Variants in CACNA2D3 observed in about 807,000 individuals in gnomAD.
The protein encoded by CACNA2D3 is calcium voltage-gated channel auxiliary subunit alpha2delta 3, also known as voltage-dependent calcium channel subunit alpha-2/delta-3.
Under a neutral mutation model 160.6 loss-of-function variants are expected in CACNA2D3, and 60 were observed. That is an observed-to-expected ratio of 0.37 (90% confidence interval 0.30 to 0.46). CACNA2D3 has a LOEUF of 0.46. Ranked by LOEUF, CACNA2D3 falls within the 20% of genes least tolerant of loss-of-function variation. The probability of loss-of-function intolerance (pLI) is 1.00; values close to 1 mark genes in which losing one functional copy is unlikely to be tolerated. For missense variants in CACNA2D3, 1,205 were observed against 1,365.0 expected, an observed-to-expected ratio of 0.88 and a Z score of 1.85; for synonymous variants, 558 against 492.9, an observed-to-expected ratio of 1.13 and a Z score of -1.75.
chr3:54,232,277 G>A (rs1326796706), intron 2 of CACNA2D3, among the ~76,000 whole-genome samples: 2 of 152,116 alleles, frequency 1.3e-5, no homozygotes, highest in Non-Finnish European at 2.9e-5. Flanking sequence ...CAGCTACAGG[G>A]AGGTGATGAC....
At chr3:54,394,360 A>C (rs1699336974) in intron 4 of CACNA2D3, among the ~76,000 whole-genome samples, 1 of 147,648 alleles carries the variant, frequency 6.8e-6, no homozygotes, top group Non-Finnish European at 1.5e-5. Context: ...TTTAGGGTAC[A>C]TGTGCACATT....
intron 2 of CACNA2D3, among the ~76,000 whole-genome samples, chr3:54,282,458 CT>C (rs1437430473): frequency 2.0e-5 from 3 of 152,186 alleles, no homozygotes; most frequent in Non-Finnish European, 4.4e-5. Flanking sequence ...CACCAGAGTA[CT>C]ATGTGGATCA....
chr3:54,123,712 A>G, intron 2 of CACNA2D3, 118 bp downstream of exon 2: 1 of 832,518 alleles, frequency 1.2e-6, no homozygotes, highest in Non-Finnish European at 2.1e-6. Flanking sequence ...GGACTCTCTG[A>G]TCCCCGGGTT....
chr3:54,699,321 G>A (rs912261980), intron 11 of CACNA2D3, among the ~76,000 whole-genome samples: 3 of 152,176 alleles, frequency 2.0e-5, no homozygotes, highest in Non-Finnish European at 4.4e-5. Context: ...GGAGGTCAGA[G>A]GGAGGCTCAT....
chr3:54,750,736 A>T (rs1417834024), intron 11 of CACNA2D3, among the ~76,000 whole-genome samples: 1 of 150,978 alleles, frequency 6.6e-6, no homozygotes, highest in Non-Finnish European at 1.5e-5. Context: ...AAGGAGGGTC[A>T]GTGGTAATCA....
rs559399882 is a variant in CACNA2D3 at position 54,827,236 on chromosome 3, GTGAAATGTGCGTAGGCACTTGCAAC to G, written c.1399-9922_1399-9898del. Among the ~76,000 whole-genome samples, 69 of 152,354 alleles carry G rather than the reference GTGAAATGTGCGTAGGCACTTGCAAC, an allele frequency of 4.5e-4. No homozygotes were observed. In the East Asian group the frequency reaches 0.012, roughly 27 times the overall value. On this transcript the variant is annotated intron_variant, in intron 14 of 37. Coordinates refer to ENST00000474759, the MANE Select transcript of CACNA2D3 (RefSeq NM_018398.3). Reference sequence around the variant, plus strand: ...CTTTGCCTTTTTAACTCCTTCACTTGTGAAATGTGCGTAGGCACTTGCAACGTCTTTGTCAGGGTTCAATTTAAGG... The same window carrying G: ...CTTTGCCTTTTTAACTCCTTCACTTGGTCTTTGTCAGGGTTCAATTTAAGG...
At position 54,873,527 on chromosome 3, in the gene CACNA2D3, T is replaced by C. The variant is rs996288759; in HGVS notation, c.1710+1905T>C. On this transcript the variant is annotated intron_variant, in intron 18 of 37. Coordinates refer to ENST00000474759, the MANE Select transcript of CACNA2D3 (RefSeq NM_018398.3). ...ATTTTCAGTGAGCGAATGTCTCCTTTAGTAATCACAGTTTGGGAACACTTT... is the reference window on the plus strand; with the variant it reads ...ATTTTCAGTGAGCGAATGTCTCCTTCAGTAATCACAGTTTGGGAACACTTT... 2.0e-5 allele frequency among the ~76,000 whole-genome samples: 3 copies of C among 152,168 alleles called. No individual in the cohort carries two copies. The South Asian group carries it at 6.2e-4, about 32-fold the overall frequency.
At chr3:54,557,996 C>CCATT (rs1035637633) in intron 5 of CACNA2D3, among the ~76,000 whole-genome samples, 13 of 152,170 alleles carry the variant, frequency 8.5e-5, no homozygotes, top group African/African-American at 3.1e-4. Flanking sequence ...GGCCCTGGAG[C>CCATT]CATTCTGTGG....
chr3:54,995,885 A>T (rs1003313010), intron 31 of CACNA2D3, among the ~76,000 whole-genome samples: 1 of 152,110 alleles, frequency 6.6e-6, no homozygotes, highest in Non-Finnish European at 1.5e-5. Context: ...TCCTTGAGTG[A>T]TGGGGCTGTA....
chr3:54,891,876 C>T (rs984882355), intron 25 of CACNA2D3, among the ~76,000 whole-genome samples: 17 of 152,216 alleles, frequency 1.1e-4, no homozygotes, highest in African/African-American at 4.1e-4. Flanking sequence ...TGTTTGTTTA[C>T]ATTTTACTAA....
At chr3:54,707,249 T>G (rs1337885186) in intron 11 of CACNA2D3, among the ~76,000 whole-genome samples, 1 of 152,202 alleles carries the variant, frequency 6.6e-6, no homozygotes, top group Non-Finnish European at 1.5e-5. Flanking sequence ...TCCAGTCTAG[T>G]TCTAAGGGTC....
chr3:54,923,488 A>G (rs75178808), intron 27 of CACNA2D3, among the ~76,000 whole-genome samples: 1,808 of 152,128 alleles, frequency 0.012, 36 homozygotes, highest in African/African-American at 0.041. Flanking sequence ...CCCACATTCT[A>G]TCACTCTCCC....
At chr3:54,978,481 C>T (rs537918394) in intron 29 of CACNA2D3, among the ~76,000 whole-genome samples, 1 of 152,140 alleles carries the variant, frequency 6.6e-6, no homozygotes, top group Admixed American at 6.6e-5. Context: ...GTTCATGACT[C>T]CGAGTTCTGA....
chr3:54,947,711 C>T (rs955641546), intron 27 of CACNA2D3, among the ~76,000 whole-genome samples: 1 of 152,084 alleles, frequency 6.6e-6, no homozygotes, highest in African/African-American at 2.4e-5. Flanking sequence ...AGTCAGGACT[C>T]GGTCTTGGGA....
At chr3:55,005,454 A>T (rs975489814) in intron 32 of CACNA2D3, among the ~76,000 whole-genome samples, 91 of 152,180 alleles carry the variant, frequency 6.0e-4, no homozygotes, top group African/African-American at 2.1e-3. Flanking sequence ...ATTTGTATAT[A>T]AAAGAACTTG....
intron 2 of CACNA2D3, among the ~76,000 whole-genome samples, chr3:54,235,390 C>A (rs888301514): frequency 6.6e-6 from 1 of 152,194 alleles, no homozygotes; most frequent in Non-Finnish European, 1.5e-5. Context: ...GGGAAACTTA[C>A]AATCACAGCA....
intron 2 of CACNA2D3, 94 bp from the exon 3 acceptor site, chr3:54,320,348 T>G (rs573315669): frequency 2.5e-5 from 14 of 559,704 alleles, no homozygotes; most frequent in African/African-American, 1.8e-4. Context: ...TAATTTTATC[T>G]TTATTTATTC....
intron 11 of CACNA2D3, among the ~76,000 whole-genome samples, chr3:54,673,202 T>C (rs1299055086): frequency 2.0e-5 from 3 of 152,208 alleles, no homozygotes; most frequent in African/African-American, 4.8e-5. Flanking sequence ...AAAATCCATA[T>C]AATGGGAAAT....
At chr3:54,131,765 T>C (rs1249968762) in intron 2 of CACNA2D3, among the ~76,000 whole-genome samples, 1 of 152,126 alleles carries the variant, frequency 6.6e-6, no homozygotes, top group East Asian at 1.9e-4. Flanking sequence ...GATTTTTTTT[T>C]TTGCTTTCTT....
Sources: allele counts gnomAD v4.1 joint callset (sites outside exome capture counted in the v4.1 genomes callset), GRCh38; gene constraint gnomAD v4.1.1; transcripts MANE v1.5; gene names NCBI Gene and HGNC (gene_info 2026-07-23, HGNC 2026-07-21).